ARHGAP35: variants seen among roughly 807,000 people sequenced by gnomAD.
The protein encoded by ARHGAP35 is Rho GTPase activating protein 35.
A neutral mutation model predicts 111.1 loss-of-function variants in ARHGAP35; 15 were observed. The observed-to-expected ratio is 0.13, with a 90% CI of 0.09 to 0.21. The LOEUF is 0.21. Ranked by LOEUF, ARHGAP35 falls within the 10% of genes least tolerant of loss-of-function variation. The pLI, the probability that ARHGAP35 is intolerant of heterozygous loss-of-function variation, is 1.00. For synonymous variants in ARHGAP35, 643 were observed against 710.3 expected, an observed-to-expected ratio of 0.91 and a Z score of 1.51; for missense variants, 1,262 against 1,873.0, an observed-to-expected ratio of 0.67 and a Z score of 6.02.
chr19:46,930,975 A>G (rs1397462188), intron 2 of ARHGAP35, among the ~76,000 whole-genome samples: 2 of 152,108 alleles, frequency 1.3e-5, no homozygotes, highest in East Asian at 3.9e-4. Context: ...AACTTAGCCT[A>G]GTAGAATATT....
chr19:46,880,994 G>T (rs1012662380), intron 1 of ARHGAP35, among the ~76,000 whole-genome samples: 2 of 149,954 alleles, frequency 1.3e-5, no homozygotes, highest in African/African-American at 4.9e-5. Context: ...ACTCAGGCTG[G>T]AGTGCAATGG....
chr19:46,863,438 A>G (rs1035952092), intron 1 of ARHGAP35, among the ~76,000 whole-genome samples: 1 of 151,166 alleles, frequency 6.6e-6, no homozygotes, highest in African/African-American at 2.4e-5. Context: ...ATCTTTTTCC[A>G]TTGCCCCATT....
intron 3 of ARHGAP35, among the ~76,000 whole-genome samples, chr19:46,961,798 C>G (rs891411122): frequency 6.6e-6 from 1 of 152,032 alleles, no homozygotes; most frequent in African/African-American, 2.4e-5. Context: ...GGCGTGGTGG[C>G]GCACACCTGT....
At chr19:46,932,126 A>G (rs2056276371) in intron 2 of ARHGAP35, among the ~76,000 whole-genome samples, 1 of 152,194 alleles carries the variant, frequency 6.6e-6, no homozygotes, top group Non-Finnish European at 1.5e-5. Flanking sequence ...TACTAAAAAT[A>G]CAAAAACTTG....
intron 1 of ARHGAP35, among the ~76,000 whole-genome samples, chr19:46,896,495 G>C (rs2056057141): frequency 6.6e-6 from 1 of 152,234 alleles, no homozygotes; most frequent in Admixed American, 6.5e-5. Context: ...GTACATAAGA[G>C]ACTGTTTCCC....
chr19:46,866,230 A>G (rs2055856025), intron 1 of ARHGAP35, among the ~76,000 whole-genome samples: 1 of 152,184 alleles, frequency 6.6e-6, no homozygotes, highest in Non-Finnish European at 1.5e-5. Context: ...CACGATCTGT[A>G]AAATAGGTAA....
At chr19:46,944,678 T>G (rs1433575743) in intron 3 of ARHGAP35, among the ~76,000 whole-genome samples, 3 of 152,214 alleles carry the variant, frequency 2.0e-5, no homozygotes. Flanking sequence ...CGTGGCAGTT[T>G]CCTGTGACTG....
intron 3 of ARHGAP35, among the ~76,000 whole-genome samples, chr19:46,983,018 C>T (rs926356099): frequency 1.5e-5 from 2 of 132,770 alleles, no homozygotes; most frequent in South Asian, 2.4e-4. Flanking sequence ...GGTGCTACTG[C>T]ACTCCAGCCT....
In ARHGAP35 at chr19:46,920,335, C is replaced by T. The variant is rs778992411; in HGVS notation, c.1660C>T (p.Pro554Ser). Residue 554 changes from proline to serine, a missense_variant, in exon 2 of 7, where the codon CCA becomes TCA. By Grantham distance (74) the Pro-to-Ser change is moderately conservative. This residue lies in a region of ARHGAP35 where 328 missense variants were observed against 440.8 expected (regional missense o/e 0.74). Coordinates refer to ENST00000672722, the MANE Select transcript of ARHGAP35 (RefSeq NM_004491.5). The surrounding 1 kb of genome is among the most constrained non-coding windows in gnomAD (Gnocchi z 7.0). Reference sequence around the variant, plus strand: ...GAAACACATTCATTTTGTGTACCACCCAACAAAGGAGACATGCCCCAGCTG... The same window carrying T: ...GAAACACATTCATTTTGTGTACCACTCAACAAAGGAGACATGCCCCAGCTG... ...ILKHIHFVYH[P>S]TKETCPSCPA... is the part of the protein sequence containing the mutation. 1.9e-6 allele frequency: 3 copies of T among 1,613,796 alleles called. No homozygotes were observed. Among genetic ancestry groups the T allele is most frequent in the African/African-American group, 1.3e-5 (1 of 74,870 alleles).
intron 3 of ARHGAP35, among the ~76,000 whole-genome samples, chr19:46,981,028 GA>G: frequency 6.6e-6 from 1 of 152,296 alleles, no homozygotes; most frequent in African/African-American, 2.4e-5. Context: ...GAGATTGGGG[GA>G]GTGCCGCAGT....
At chr19:46,893,517 C>G (rs2056036788) in intron 1 of ARHGAP35, among the ~76,000 whole-genome samples, 2 of 151,862 alleles carry the variant, frequency 1.3e-5, no homozygotes, top group African/African-American at 2.4e-5. Context: ...AGAATGGGCA[C>G]CAACTTCTGC....
At position 46,921,538 on chromosome 19, in the gene ARHGAP35, G is replaced by A. The variant is rs200588378; in HGVS notation, c.2863G>A (p.Asp955Asn). ...CATAATCGAGGCTACTCATATGTAC[G>A]ATAATGCTGCCGAGGCCTGTAGCAC... The part of the protein sequence containing the change: ...KNIIEATHMY[D>N]NAAEACSTTE... Residue 955 changes from aspartate to asparagine, a missense_variant, in exon 2 of 7, where the codon GAT becomes AAT. Asp to Asn is a conservative substitution (Grantham distance 23, BLOSUM62 1). Coordinates refer to ENST00000672722, the MANE Select transcript of ARHGAP35 (RefSeq NM_004491.5). This position sits in a 1 kb window ranked among gnomAD's most constrained non-coding sequence, Gnocchi z 4.3. The A allele has an allele frequency of 3.1e-6, 5 of 1,613,954 alleles. No individual in the cohort carries two copies. Among genetic ancestry groups the A allele is most frequent in the Middle Eastern group, 1.6e-4 (1 of 6,062 alleles).
At chr19:46,940,707 G>A (rs550259605) in intron 3 of ARHGAP35, among the ~76,000 whole-genome samples, 10 of 150,980 alleles carry the variant, frequency 6.6e-5, no homozygotes, top group African/African-American at 2.2e-4. Context: ...CACAAGCCTC[G>A]ACCTCCCAAA....
chr19:46,928,910 C>T (rs1285280529), intron 2 of ARHGAP35, among the ~76,000 whole-genome samples: 1 of 151,122 alleles, frequency 6.6e-6, no homozygotes, highest in Non-Finnish European at 1.5e-5. Flanking sequence ...CCAGCCTGGG[C>T]AACAGAGGGA....
rs1568475255 is a variant in ARHGAP35 at position 46,945,087 on chromosome 19, C to CG, written c.3826+7681dup. ...TATTCGACTTTCACTCTCTCAGCTC[C>CG]GGTTACATGGAAAGGCTGGATGAGG... On this transcript the variant is annotated intron_variant, in intron 3 of 6. Transcript: ENST00000672722. The surrounding 1 kb of genome is among the most constrained non-coding windows in gnomAD (Gnocchi z 4.1). Among the ~76,000 whole-genome samples the CG allele has an allele frequency of 6.6e-6, 1 of 152,070 alleles. No homozygotes were observed. The highest frequency in any genetic ancestry group is 1.5e-5 in the Non-Finnish European group (1 of 68,030).
In ARHGAP35 at chr19:47,000,844, A is replaced by AC. The variant is rs2056744251; in HGVS notation, c.*158dup. On this transcript the variant is annotated 3_prime_UTR_variant, in exon 7 of 7. Transcript: ENST00000672722. The surrounding 1 kb of genome is among the most constrained non-coding windows in gnomAD (Gnocchi z 6.9). Reference sequence around the variant, plus strand: ...CTCAGTGGGAGCACCAGCCAATGGTACCATCGGCTGGGCTGCCAGGTACCC... The same window carrying AC: ...CTCAGTGGGAGCACCAGCCAATGGTACCCATCGGCTGGGCTGCCAGGTACCC... 5 of 1,538,886 alleles carry AC rather than the reference A, an allele frequency of 3.2e-6. No individual in the cohort carries two copies. In the East Asian group the frequency reaches 1.2e-4, roughly 38 times the overall value.
intron 2 of ARHGAP35, among the ~76,000 whole-genome samples, chr19:46,934,695 G>C (rs978674393): frequency 1.4e-5 from 2 of 145,874 alleles, no homozygotes; most frequent in Admixed American, 1.4e-4. Context: ...TTTGAGACGG[G>C]GTCGCACTTT....
intron 3 of ARHGAP35, among the ~76,000 whole-genome samples, chr19:46,973,452 A>G (rs1229406523): frequency 6.6e-6 from 1 of 152,218 alleles, no homozygotes; most frequent in Non-Finnish European, 1.5e-5. Context: ...GCACTTTGGG[A>G]GGCCAAGGCG....
At position 46,921,863 on chromosome 19, in the gene ARHGAP35, A is replaced by G. The variant is rs745740003; in HGVS notation, c.3188A>G (p.His1063Arg). The change falls in exon 2 of 7, where the codon CAT becomes CGT. Residue 1063 changes from histidine to arginine, a missense_variant. Transcript: ENST00000672722. The surrounding 1 kb of genome is among the most constrained non-coding windows in gnomAD (Gnocchi z 4.3). The part of the protein sequence containing the change: ...KGDLSYLDQG[H>R]RDGQRKSVSS... ...GATCTATCTTATTTAGACCAAGGCCATAGGGATGGACAGAGGAAGTCTGTG... is the reference window on the plus strand; with the variant it reads ...GATCTATCTTATTTAGACCAAGGCCGTAGGGATGGACAGAGGAAGTCTGTG... The G allele has an allele frequency of 6.2e-7, 1 of 1,614,030 alleles. No individual in the cohort carries two copies. The highest frequency in any genetic ancestry group is 1.1e-5 in the South Asian group (1 of 91,080).
Sources: allele counts gnomAD v4.1 joint callset (sites outside exome capture counted in the v4.1 genomes callset), GRCh38; gene constraint gnomAD v4.1.1; regional missense constraint gnomAD v4.1.1; non-coding constraint Gnocchi (gnomAD v3.1); transcripts MANE v1.5; gene names NCBI Gene and HGNC (gene_info 2026-07-23, HGNC 2026-07-21).